PPFIBP2: variants seen among roughly 807,000 people sequenced by gnomAD.
PPFIBP2 encodes liprin-beta-2.
PPFIBP2 carries 118 observed loss-of-function variants against 118.3 expected under a neutral mutation model. The ratio of observed to expected loss-of-function variants is 1.00; its 90% CI spans 0.86 to 1.16. The LOEUF (loss-of-function observed/expected upper bound fraction) is 1.16, where lower values mean the gene tolerates loss of function less well. PPFIBP2 is among the 50% of genes most tolerant of loss of function. The pLI is 0.00. For synonymous variants in PPFIBP2, 414 were observed against 397.4 expected (o/e 1.04, Z -0.50); for missense variants, 1,195 against 1,073.1 (o/e 1.11, Z -1.59).
intron 13 of PPFIBP2, among the ~76,000 whole-genome samples, chr11:7,635,093 A>C (rs942345602): frequency 6.6e-6 from 1 of 152,176 alleles, no homozygotes; most frequent in Non-Finnish European, 1.5e-5. Context: ...GCCCTTGATC[A>C]TGTGGGTGGA....
chr11:7,619,612 G>A (rs905988117), intron 6 of PPFIBP2, among the ~76,000 whole-genome samples: 2 of 152,260 alleles, frequency 1.3e-5, no homozygotes, highest in African/African-American at 2.4e-5. Flanking sequence ...TGTCCAGGCT[G>A]TCAGTGCTAA....
At chr11:7,552,754 G>GC (rs918592181) in intron 2 of PPFIBP2, among the ~76,000 whole-genome samples, 30 of 151,486 alleles carry the variant, frequency 2.0e-4, no homozygotes, top group South Asian at 4.2e-4. Flanking sequence ...CCATGAGCTT[G>GC]CCCCCCCCTC....
At chr11:7,546,049 G>T (rs577971911) in intron 1 of PPFIBP2, among the ~76,000 whole-genome samples, 2 of 152,312 alleles carry the variant, frequency 1.3e-5, no homozygotes, top group East Asian at 3.9e-4. Context: ...TGAACGCGTG[G>T]AAGTGCTGCT....
At chr11:7,601,093 C>T (rs984077351) in intron 5 of PPFIBP2, among the ~76,000 whole-genome samples, 2 of 152,194 alleles carry the variant, frequency 1.3e-5, no homozygotes, top group Admixed American at 1.3e-4. Context: ...TGAGCTGTCT[C>T]TCTCCATGCT....
At chr11:7,562,393 G>C (rs981525859) in intron 2 of PPFIBP2, among the ~76,000 whole-genome samples, 3 of 152,204 alleles carry the variant, frequency 2.0e-5, no homozygotes, top group African/African-American at 7.2e-5. Context: ...CATGGCAGCA[G>C]CCTTCCCCCA....
At chr11:7,650,767 G>T in intron 21 of PPFIBP2, 73 bp from the exon 22 acceptor site, 1 of 1,531,150 alleles carries the variant, frequency 6.5e-7, no homozygotes, top group Non-Finnish European at 8.9e-7. Context: ...TTACTTACCG[G>T]GGCTGACTCC....
At chr11:7,658,194 G>C (rs184160144), downstream of PPFIBP2, among the ~76,000 whole-genome samples, 13 of 151,398 alleles carry the variant, frequency 8.6e-5, no homozygotes, top group Admixed American at 7.9e-4. Flanking sequence ...TGTGCACATT[G>C]TGCAGGTTAG....
chr11:7,537,639 G>A (rs537223608), intron 1 of PPFIBP2, among the ~76,000 whole-genome samples: 3 of 152,182 alleles, frequency 2.0e-5, no homozygotes, highest in South Asian at 2.1e-4. Flanking sequence ...CCTCCTCTCC[G>A]AAAGTTCTCT....
chr11:7,578,883 T>C (rs1176099787), intron 3 of PPFIBP2, among the ~76,000 whole-genome samples: 1 of 152,084 alleles, frequency 6.6e-6, no homozygotes, highest in Non-Finnish European at 1.5e-5. Context: ...CTGCTGATTG[T>C]CCAGATTGAG....
intron 1 of PPFIBP2, among the ~76,000 whole-genome samples, chr11:7,515,502 G>C (rs371085563): frequency 1.3e-5 from 2 of 152,146 alleles, no homozygotes; most frequent in South Asian, 4.1e-4. Flanking sequence ...GGGAAATCTG[G>C]GATAATTTTA....
chr11:7,544,772 T>TAA (rs1194860244), intron 1 of PPFIBP2, among the ~76,000 whole-genome samples: 13 of 86,148 alleles, frequency 1.5e-4, no homozygotes, highest in African/African-American at 5.0e-4. Flanking sequence ...AGACTCCATC[T>TAA]AAAAAAAAAA....
At chr11:7,579,241 G>T (rs1856901984) in intron 3 of PPFIBP2, among the ~76,000 whole-genome samples, 2 of 152,152 alleles carry the variant, frequency 1.3e-5, no homozygotes. Context: ...ATAGCTATTA[G>T]TGGTGCAGCC....
intron 7 of PPFIBP2, among the ~76,000 whole-genome samples, chr11:7,622,121 C>G: frequency 6.6e-6 from 1 of 152,204 alleles, no homozygotes. Flanking sequence ...GCAGGTTTTA[C>G]AGGAAGCATG....
intron 1 of PPFIBP2, among the ~76,000 whole-genome samples, chr11:7,531,459 C>A (rs1023335601): frequency 6.6e-6 from 1 of 152,138 alleles, no homozygotes; most frequent in East Asian, 1.9e-4. Flanking sequence ...AGGTGGGATT[C>A]GACTTAGAGC....
At chr11:7,599,797 ATTTTTTT>A (rs1200161212) in intron 5 of PPFIBP2, among the ~76,000 whole-genome samples, 5 of 117,410 alleles carry the variant, frequency 4.3e-5, no homozygotes, top group African/African-American at 1.0e-4. Flanking sequence ...CGCCCGGCTA[ATTTTTTT>A]TTTTTTTTTT....
the PPFIBP2 span, chr11:7,665,871 G>A: frequency 1.3e-6 from 2 of 1,536,134 alleles, no homozygotes; most frequent in Non-Finnish European, 1.7e-6. Context: ...GTCCGGCAGG[G>A]TGTGGCCTGG....
chr11:7,547,669 G>A (rs944380829), intron 1 of PPFIBP2, among the ~76,000 whole-genome samples: 2 of 151,894 alleles, frequency 1.3e-5, no homozygotes, highest in African/African-American at 4.8e-5. Context: ...GAGCAGCTCT[G>A]TTCCTTGTTG....
At chr11:7,552,005 C>T (rs573482071) in intron 2 of PPFIBP2, among the ~76,000 whole-genome samples, 2 of 152,172 alleles carry the variant, frequency 1.3e-5, no homozygotes, top group African/African-American at 2.4e-5. Flanking sequence ...CCTTCCATTT[C>T]CTTAGTCCTC....
intron 1 of PPFIBP2, among the ~76,000 whole-genome samples, chr11:7,540,689 C>T (rs1165519050): frequency 6.6e-6 from 1 of 152,122 alleles, no homozygotes; most frequent in East Asian, 1.9e-4. Context: ...AATGGGGGAC[C>T]CCACAGGGAC....
Sources: gnomAD v4.1 joint callset for allele counts (sites outside exome capture counted in the v4.1 genomes callset) on GRCh38, gnomAD v4.1.1 for gene constraint, MANE v1.5 for transcripts, NCBI Gene and HGNC (gene_info 2026-07-23, HGNC 2026-07-21) for gene names.